The following DCBLD1 variants were observed in gnomAD, a reference collection of about 807,000 sequenced individuals.
DCBLD1 encodes the protein discoidin, CUB and LCCL domain-containing protein 1.
A neutral mutation model predicts 71.5 loss-of-function variants in DCBLD1; 57 were observed. The ratio of observed to expected loss-of-function variants is 0.80; its 90% CI spans 0.64 to 0.99. The LOEUF (loss-of-function observed/expected upper bound fraction) is 0.99, where lower values mean the gene tolerates loss of function less well. Ranked by LOEUF, DCBLD1 falls within the 50% of genes least tolerant of loss-of-function variation. DCBLD1 has a pLI of 0.00. For missense variants in DCBLD1, 891 were observed against 923.5 expected, an observed-to-expected ratio of 0.96 and a Z score of 0.46; for synonymous variants, 380 against 363.8, an observed-to-expected ratio of 1.04 and a Z score of -0.51.
chr6:117,489,892 A>G (rs1228439815), intron 1 of DCBLD1, among the ~76,000 whole-genome samples: 3 of 152,212 alleles, frequency 2.0e-5, no homozygotes, highest in Non-Finnish European at 4.4e-5. Flanking sequence ...CTCAAAAAAA[A>G]AGAATAAATT....
At chr6:117,521,293 T>C (rs1778375981) in intron 3 of DCBLD1, among the ~76,000 whole-genome samples, 1 of 152,200 alleles carries the variant, frequency 6.6e-6, no homozygotes, top group South Asian at 2.1e-4. Flanking sequence ...TATCATTTAC[T>C]AGGTGATTGT....
intron 6 of DCBLD1, among the ~76,000 whole-genome samples, chr6:117,535,162 T>C (rs1485573468): frequency 6.6e-6 from 1 of 152,212 alleles, no homozygotes; most frequent in Non-Finnish European, 1.5e-5. Context: ...GAAGGAAGTA[T>C]TGCAGCTGAG....
At chr6:117,521,050 G>A (rs1778367809) in intron 3 of DCBLD1, among the ~76,000 whole-genome samples, 1 of 152,216 alleles carries the variant, frequency 6.6e-6, no homozygotes, top group African/African-American at 2.4e-5. Context: ...TGTCCTGGTT[G>A]ATGAAAGCTT....
intron 1 of DCBLD1, among the ~76,000 whole-genome samples, chr6:117,497,741 C>G (rs1582970697): frequency 6.6e-6 from 1 of 152,180 alleles, no homozygotes; most frequent in Admixed American, 6.5e-5. Flanking sequence ...TTTTTAATGA[C>G]AGTCCGTGAC....
At chr6:117,567,073 T>C in intron 14 of DCBLD1, 1 of 1,449,994 alleles carries the variant, frequency 6.9e-7, no homozygotes, top group Non-Finnish European at 9.2e-7. Flanking sequence ...CAAGTTATTG[T>C]AATTGTAATT....
intron 13 of DCBLD1, 146 bp downstream of exon 13, chr6:117,544,723 G>A: frequency 1.4e-6 from 1 of 720,888 alleles, no homozygotes; most frequent in East Asian, 2.9e-5. Flanking sequence ...ATATCTATAA[G>A]GAAGAAATTT....
chr6:117,547,848 C>T, intron 14 of DCBLD1, 59 bp from the exon 15 acceptor site: 8 of 1,549,676 alleles, frequency 5.2e-6, no homozygotes, highest in Non-Finnish European at 7.0e-6. Flanking sequence ...CCCCGTCTGC[C>T]ACTGACAGGC....
At chr6:117,553,203 A>G (rs1463242672), downstream of DCBLD1, among the ~76,000 whole-genome samples, 1 of 152,062 alleles carries the variant, frequency 6.6e-6, no homozygotes, top group Non-Finnish European at 1.5e-5. Context: ...AATTATTCCA[A>G]AGCAGTGCCA....
intron 14 of DCBLD1, among the ~76,000 whole-genome samples, chr6:117,559,441 G>A (rs1486590760): frequency 6.6e-6 from 1 of 151,250 alleles, no homozygotes; most frequent in Non-Finnish European, 1.5e-5. Flanking sequence ...AAGTTGAGGA[G>A]TCATCATATA....
intron 2 of DCBLD1, among the ~76,000 whole-genome samples, chr6:117,516,125 G>A (rs533761166): frequency 4.6e-5 from 7 of 151,952 alleles, no homozygotes; most frequent in South Asian, 2.1e-4. Flanking sequence ...AGGCTGAGGC[G>A]GGCAGATCAC....
At chr6:117,528,036 A>G (rs963965410) in intron 5 of DCBLD1, among the ~76,000 whole-genome samples, 2 of 152,152 alleles carry the variant, frequency 1.3e-5, no homozygotes, top group African/African-American at 2.4e-5. Flanking sequence ...TGTTTCAGCA[A>G]TTCTCCTCTC....
chr6:117,558,288 C>T (rs371331505), intron 14 of DCBLD1, among the ~76,000 whole-genome samples: 3 of 152,180 alleles, frequency 2.0e-5, no homozygotes, highest in Non-Finnish European at 2.9e-5. Context: ...GAGCTGCCCC[C>T]CTCCATCCAT....
At chr6:117,539,506 C>A in intron 9 of DCBLD1, 127 bp downstream of exon 9, 1 of 1,098,358 alleles carries the variant, frequency 9.1e-7, no homozygotes, top group Non-Finnish European at 1.2e-6. Context: ...TGGTTCATGC[C>A]TGTAATCCCC....
At chr6:117,498,112 C>A (rs1188756753) in intron 1 of DCBLD1, among the ~76,000 whole-genome samples, 1 of 152,204 alleles carries the variant, frequency 6.6e-6, no homozygotes, top group Non-Finnish European at 1.5e-5. Flanking sequence ...GAATTAAAAT[C>A]TGTATACTTA....
intron 14 of DCBLD1, among the ~76,000 whole-genome samples, chr6:117,555,260 T>C (rs1030087958): frequency 2.6e-5 from 4 of 152,218 alleles, no homozygotes; most frequent in African/African-American, 9.6e-5. Flanking sequence ...AGTTTTCTCT[T>C]TTATGGGTAT....
chr6:117,505,854 A>G (rs1457940628), intron 2 of DCBLD1, among the ~76,000 whole-genome samples: 3 of 152,060 alleles, frequency 2.0e-5, no homozygotes, highest in Admixed American at 6.6e-5. Flanking sequence ...TACGTATCTC[A>G]AGCTAGCTTG....
intron 2 of DCBLD1, among the ~76,000 whole-genome samples, chr6:117,505,529 A>G (rs944877957): frequency 6.6e-6 from 1 of 152,206 alleles, no homozygotes; most frequent in Non-Finnish European, 1.5e-5. Context: ...ATTTTGTTGC[A>G]TAAGACTCTG....
rs139193542 is a variant in DCBLD1, at chr6:117,532,339, G to A, written c.665G>A (p.Arg222His). The A allele has an allele frequency of 1.4e-4, 225 of 1,613,594 alleles. No individual in the cohort carries two copies. The African/African-American group carries it at 2.7e-3, about 19-fold the overall frequency. ...GGTGGCCAGATCAGTGTGCTTCAGC[G>A]CAAAGGGATCAGTCGATATGAAGGG... ...ELGGQISVLQRKGISRYEGIL... is the reference protein window; with the variant it reads ...ELGGQISVLQHKGISRYEGIL... The change falls in exon 6 of 15, where the codon CGC (arginine) becomes CAC (histidine). Residue 222 changes from arginine to histidine, a missense_variant. By Grantham distance (29) the Arg-to-His change is conservative. Transcript: ENST00000338728.
intron 2 of DCBLD1, among the ~76,000 whole-genome samples, chr6:117,519,504 T>G (rs1335521874): frequency 1.3e-5 from 2 of 152,242 alleles, no homozygotes; most frequent in East Asian, 3.8e-4. Context: ...TAATAAAATT[T>G]TCTTTACTAC....
Sources: allele counts gnomAD v4.1 joint callset (sites outside exome capture counted in the v4.1 genomes callset), GRCh38; gene constraint gnomAD v4.1.1; transcripts MANE v1.5; gene names NCBI Gene and HGNC (gene_info 2026-07-23, HGNC 2026-07-21).